EP300: variants seen among roughly 807,000 people sequenced by gnomAD.
The protein encoded by EP300 is histone acetyltransferase p300.
Under a neutral mutation model 264.0 loss-of-function variants are expected in EP300, and 31 were observed. That is an observed-to-expected ratio of 0.12 (90% confidence interval 0.09 to 0.16). The LOEUF is 0.16. Among genes scored for constraint, EP300 ranks in the 10% least tolerant of loss-of-function variants. The pLI, the probability that EP300 is intolerant of heterozygous loss-of-function variation, is 1.00. For synonymous variants in EP300, 1,340 were observed against 1,045.4 expected (o/e 1.28, Z -5.44); for missense variants, 2,766 against 3,052.9 (o/e 0.91, Z 2.21).
intron 2 of EP300, among the ~76,000 whole-genome samples, chr22:41,119,669 A>G (rs1362080952): frequency 6.6e-6 from 1 of 152,088 alleles, no homozygotes; most frequent in Non-Finnish European, 1.5e-5. Context: ...GGGGTGTGGG[A>G]CTATTATGGT....
At chr22:41,163,393 C>T (rs866545518) in intron 21 of EP300, among the ~76,000 whole-genome samples, 21 of 140,934 alleles carry the variant, frequency 1.5e-4, no homozygotes, top group Middle Eastern at 8.4e-3. Context: ...CGAGATCCCG[C>T]CACTGCACTC....
At chr22:41,097,663 T>G (rs1336896113) in intron 1 of EP300, among the ~76,000 whole-genome samples, 1 of 152,244 alleles carries the variant, frequency 6.6e-6, no homozygotes, top group East Asian at 1.9e-4. Context: ...TAAAAGATGC[T>G]AGTTTTATGT....
At chr22:41,170,285 C>G in intron 26 of EP300, 121 bp from the exon 27 acceptor site, 1 of 896,412 alleles carries the variant, frequency 1.1e-6, no homozygotes, top group Non-Finnish European at 1.7e-6. Flanking sequence ...GTTATATATA[C>G]ACTGTGTTAT....
At chr22:41,160,770 G>C (rs1282247439) in intron 20 of EP300, 48 bp downstream of exon 20, 1 of 1,525,934 alleles carries the variant, frequency 6.6e-7, no homozygotes, top group African/African-American at 1.4e-5. Flanking sequence ...TTGTTGTCCA[G>C]TGATTATGCA....
At chr22:41,143,388 G>A (rs763397495) in intron 10 of EP300, among the ~76,000 whole-genome samples, 3 of 152,120 alleles carry the variant, frequency 2.0e-5, no homozygotes, top group Non-Finnish European at 4.4e-5. Flanking sequence ...GGAGGTCAAG[G>A]CTGCAGTGAG....
At position 41,177,132 on chromosome 22, in the gene EP300, A is replaced by G; in HGVS notation, c.5421A>G (p.Leu1807=). The change falls in exon 31 of 31, where the codon CTA becomes CTG. Residue 1807 remains leucine (L), a synonymous_variant. Transcript: ENST00000263253. ...QENKCPVPFC[L]NIKQKLRQQQ... ...ACAAATGCCCGGTGCCGTTCTGCCTAAACATCAAGCAGAAGCTCCGGCAGC... is the reference window on the plus strand; with the variant it reads ...ACAAATGCCCGGTGCCGTTCTGCCTGAACATCAAGCAGAAGCTCCGGCAGC... 1 of 1,614,112 alleles carries G rather than the reference A, an allele frequency of 6.2e-7. No individual in the cohort carries two copies. The highest frequency in any genetic ancestry group is 8.5e-7 in the Non-Finnish European group (1 of 1,180,016).
intron 1 of EP300, among the ~76,000 whole-genome samples, chr22:41,113,570 G>A (rs1374842711): frequency 1.3e-5 from 2 of 151,996 alleles, no homozygotes; most frequent in African/African-American, 2.4e-5. Context: ...TTTTTGAGAC[G>A]GAGTCTCGCT....
chr22:41,100,095 T>C (rs1383445551), intron 1 of EP300, among the ~76,000 whole-genome samples: 1 of 152,138 alleles, frequency 6.6e-6, no homozygotes, highest in African/African-American at 2.4e-5. Context: ...CAGCAAGGCA[T>C]GGTGGCATGC....
At chr22:41,154,176 CAT>C (rs1165838650) in intron 16 of EP300, among the ~76,000 whole-genome samples, 2 of 152,048 alleles carry the variant, frequency 1.3e-5, no homozygotes, top group Non-Finnish European at 1.5e-5. Context: ...TAAAATAGTA[CAT>C]GTCTCTTTTT....
intron 1 of EP300, 39 bp from the exon 2 acceptor site, chr22:41,117,148 T>A (rs1377991270): frequency 6.3e-7 from 1 of 1,588,630 alleles, no homozygotes; most frequent in Admixed American, 1.7e-5. Context: ...ATTTTGGTTT[T>A]GTCATACTTT....
In EP300 at chr22:41,140,060, T is replaced by A. The variant is rs17002305; in HGVS notation, c.1761-80T>A. ...TGCCATTATTTTTTCTTTTCCTCTA[T>A]GTGTTCAGTGTATAAAAATCAGAAA... On this transcript the variant is annotated intron_variant, in intron 8 of 30. Transcript: ENST00000263253. 9.5e-6 allele frequency: 9 copies of A among 948,396 alleles called. No individual in the cohort carries two copies. The African/African-American group carries it at 1.3e-4, about 14-fold the overall frequency. 58.7% of individuals were successfully genotyped at this position (948,396 alleles called of 1,614,324 possible).
intron 14 of EP300, among the ~76,000 whole-genome samples, chr22:41,150,525 A>G (rs970052400): frequency 6.6e-6 from 1 of 152,166 alleles, no homozygotes; most frequent in African/African-American, 2.4e-5. Flanking sequence ...TGCAGCACAT[A>G]AATTTTACAT....
intron 6 of EP300, among the ~76,000 whole-genome samples, chr22:41,132,221 C>T (rs2058923766): frequency 6.7e-6 from 1 of 148,690 alleles, no homozygotes; most frequent in Admixed American, 6.7e-5. Context: ...ACTATGTAGA[C>T]ATCTTTCATA....
chr22:41,112,708 TG>T (rs944615528), intron 1 of EP300, among the ~76,000 whole-genome samples: 13 of 133,514 alleles, frequency 9.7e-5, no homozygotes, highest in South Asian at 2.2e-4. Flanking sequence ...ATTTTTATAT[TG>T]TTTTTTTTTT....
chr22:41,132,935 T>C (rs1392617310), intron 6 of EP300, among the ~76,000 whole-genome samples: 1 of 152,216 alleles, frequency 6.6e-6, no homozygotes, highest in African/African-American at 2.4e-5. Context: ...TAATTGCATA[T>C]GATAAAATCA....
At chr22:41,150,431 C>T (rs997375472) in intron 14 of EP300, among the ~76,000 whole-genome samples, 1 of 152,146 alleles carries the variant, frequency 6.6e-6, no homozygotes, top group Non-Finnish European at 1.5e-5. Context: ...CATTATGTTT[C>T]ATGTTGTACC....
chr22:41,129,759 C>T (rs889413140), intron 4 of EP300, 131 bp from the exon 5 acceptor site: 19 of 710,190 alleles, frequency 2.7e-5, no homozygotes, highest in Non-Finnish European at 4.4e-5. Context: ...ATAGGAGCTA[C>T]CTTATAGGGC....
intron 4 of EP300, among the ~76,000 whole-genome samples, chr22:41,129,099 C>T (rs1414692189): frequency 6.6e-6 from 1 of 152,036 alleles, no homozygotes; most frequent in Non-Finnish European, 1.5e-5. Flanking sequence ...CAAGCTCCGC[C>T]TCCTGGGTTC....
chr22:41,148,076 T>C (rs1324218952), intron 12 of EP300, 130 bp downstream of exon 12: 1 of 713,394 alleles, frequency 1.4e-6, no homozygotes, highest in African/African-American at 1.8e-5. Flanking sequence ...GTAATTCTTC[T>C]GTATTTAACT....
Sources: gnomAD v4.1 joint callset for allele counts (sites outside exome capture counted in the v4.1 genomes callset) on GRCh38, gnomAD v4.1.1 for gene constraint, MANE v1.5 for transcripts, NCBI Gene and HGNC (gene_info 2026-07-23, HGNC 2026-07-21) for gene names.